Variants in MINDY4 observed in about 807,000 individuals in gnomAD.
MINDY4 encodes the protein MINDY lysine 48 deubiquitinase 4.
In MINDY4, 68 loss-of-function variants were observed where a neutral mutation model predicts 87.0. The ratio of observed to expected loss-of-function variants is 0.78; its 90% CI spans 0.64 to 0.96. MINDY4 has a LOEUF of 0.96. MINDY4 is among the 40% of genes least tolerant of loss of function. The pLI, the probability that MINDY4 is intolerant of heterozygous loss-of-function variation, is 0.00. For synonymous variants in MINDY4, 379 were observed against 363.2 expected (o/e 1.04, Z -0.50); for missense variants, 919 against 928.2 (o/e 0.99, Z 0.13).
At chr7:30,861,793 G>A (rs1446904079) in intron 13 of MINDY4, among the ~76,000 whole-genome samples, 3 of 152,242 alleles carry the variant, frequency 2.0e-5, no homozygotes, top group Non-Finnish European at 4.4e-5. Context: ...CTTGGCCTGG[G>A]GCCCTGTGGT....
intron 3 of MINDY4, among the ~76,000 whole-genome samples, chr7:30,784,075 A>G (rs148092900): frequency 6.6e-6 from 1 of 152,254 alleles, no homozygotes; most frequent in Non-Finnish European, 1.5e-5. Flanking sequence ...AGCTCAGGGT[A>G]TGGGTGTCGA....
chr7:30,833,329 C>A (rs1316068368), intron 6 of MINDY4, among the ~76,000 whole-genome samples: 3 of 152,208 alleles, frequency 2.0e-5, no homozygotes, highest in African/African-American at 7.2e-5. Flanking sequence ...CAAGTCACAT[C>A]TTATGTGGAT....
chr7:30,875,738 G>A, intron 15 of MINDY4, 82 bp downstream of exon 15: 4 of 1,451,168 alleles, frequency 2.8e-6, no homozygotes, highest in Admixed American at 4.1e-5. Context: ...AAGGAAAGCT[G>A]GACTCCACTT....
At chr7:30,883,554 G>A (rs547814479) in intron 17 of MINDY4, among the ~76,000 whole-genome samples, 1 of 152,308 alleles carries the variant, frequency 6.6e-6, no homozygotes, top group Non-Finnish European at 1.5e-5. Flanking sequence ...TGTATTTAAG[G>A]GGAGGCTGAG....
chr7:30,841,684 T>C (rs1789045093), intron 9 of MINDY4, among the ~76,000 whole-genome samples: 1 of 152,202 alleles, frequency 6.6e-6, no homozygotes, highest in Admixed American at 6.5e-5. Flanking sequence ...GTAGTTATAC[T>C]ATGTGTGTTC....
chr7:30,841,719 G>A (rs1055011771), intron 9 of MINDY4, among the ~76,000 whole-genome samples: 2 of 151,934 alleles, frequency 1.3e-5, no homozygotes, highest in South Asian at 2.1e-4. Flanking sequence ...TCACAAAACC[G>A]CACACCCATG....
chr7:30,775,277 A>C (rs1362099342), intron 1 of MINDY4, among the ~76,000 whole-genome samples: 1 of 152,186 alleles, frequency 6.6e-6, no homozygotes, highest in African/African-American at 2.4e-5. Context: ...CTAGCTATAA[A>C]TTGAGGGTTC....
At position 30,782,153 on chromosome 7, in the gene MINDY4, T is replaced by C; in HGVS notation, c.360T>C (p.Tyr120=). ...CAGAGACTACACTGGTAAATATATA[T>C]GACCTTTCAGATGAAGATGCAGGAT... ...RCSETTLVNI[Y]DLSDEDAGWR... The change falls in exon 3 of 18, where the codon TAT becomes TAC. Residue 120 remains tyrosine (Y), a synonymous_variant. Transcript: ENST00000265299. The C allele has an allele frequency of 3.1e-6, 5 of 1,614,084 alleles. No individual in the cohort carries two copies. The highest frequency in any genetic ancestry group is 4.2e-6 in the Non-Finnish European group (5 of 1,180,024).
intron 15 of MINDY4, among the ~76,000 whole-genome samples, chr7:30,878,202 A>C (rs1790338378): frequency 6.6e-6 from 1 of 152,116 alleles, no homozygotes; most frequent in African/African-American, 2.4e-5. Flanking sequence ...AGCCTGGGCC[A>C]TGACGTCCGC....
chr7:30,835,213 A>T (rs1051350410), intron 6 of MINDY4, among the ~76,000 whole-genome samples: 1 of 152,212 alleles, frequency 6.6e-6, no homozygotes, highest in African/African-American at 2.4e-5. Context: ...ATGGCTGGGG[A>T]GGCCTCACAA....
intron 9 of MINDY4, among the ~76,000 whole-genome samples, chr7:30,847,774 C>CT (rs1364404382): frequency 6.6e-6 from 1 of 152,182 alleles, no homozygotes; most frequent in Non-Finnish European, 1.5e-5. Context: ...GGGTATCACT[C>CT]TGTCACCTAG....
At chr7:30,779,701 ACAGTCGGTTAC>A (rs1260204853) in intron 2 of MINDY4, 1 of 152,226 alleles carries the variant, frequency 6.6e-6, no homozygotes, top group African/African-American at 2.4e-5. Context: ...CCAAGGTCTC[ACAGTCGGTTAC>A]CAGGTAGGGA....
chr7:30,881,100 G>A (rs1262559699), intron 15 of MINDY4, among the ~76,000 whole-genome samples: 3 of 152,178 alleles, frequency 2.0e-5, no homozygotes, highest in African/African-American at 2.4e-5. Context: ...TCTCCCTGGG[G>A]CTGGTAGGGA....
At chr7:30,852,916 T>C (rs1789456879) in intron 11 of MINDY4, among the ~76,000 whole-genome samples, 1 of 152,246 alleles carries the variant, frequency 6.6e-6, no homozygotes, top group Non-Finnish European at 1.5e-5. Context: ...GAATGTTTTC[T>C]CTTGAAGTGT....
At chr7:30,810,186 A>G (rs938386960) in intron 5 of MINDY4, among the ~76,000 whole-genome samples, 2 of 150,966 alleles carry the variant, frequency 1.3e-5, no homozygotes, top group Admixed American at 6.6e-5. Context: ...AAAAAAAAAA[A>G]AAAAAAAAAA....
In MINDY4 at chr7:30,791,421, G is replaced by A. The variant is rs2128168401; in HGVS notation, c.920G>A (p.Arg307Lys). The A allele has an allele frequency of 1.2e-6, 2 of 1,614,130 alleles. No individual in the cohort carries two copies. Among genetic ancestry groups the A allele is most frequent in the Non-Finnish European group, 1.7e-6 (2 of 1,180,012 alleles). The change falls in exon 5 of 18, where the codon AGG becomes AAG. Residue 307 changes from arginine to lysine, a missense_variant. Transcript: ENST00000265299. ...RLPPWDRARP[R>K]DPSEDTPAVD... Reference sequence around the variant, plus strand: ...CCCCCATGGGACAGGGCCAGGCCGAGGGATCCCTCCGAGGACACCCCAGCA... The same window carrying A: ...CCCCCATGGGACAGGGCCAGGCCGAAGGATCCCTCCGAGGACACCCCAGCA...
intron 9 of MINDY4, among the ~76,000 whole-genome samples, chr7:30,845,883 C>T (rs775889824): frequency 2.0e-5 from 3 of 152,182 alleles, no homozygotes; most frequent in East Asian, 1.9e-4. Context: ...TCTCCTCAGT[C>T]GGGAAGGATG....
chr7:30,778,487 G>A lies in MINDY4; in HGVS notation c.119G>A (p.Ser40Asn). The change falls in exon 2 of 18, where the codon AGC becomes AAC. Residue 40 changes from serine (S) to asparagine (N), a missense_variant. Physicochemically the swap from Ser to Asn is conservative, Grantham distance 46. Coordinates refer to ENST00000265299, the MANE Select transcript of MINDY4 (RefSeq NM_032222.3). ...MDQERPRSDL[S>N]INNRNDLRKV... ...CAGGAACGCCCACGCTCTGACCTCA[G>A]CATAAACAACAGAAATGATCTTCGA... The A allele has an allele frequency of 6.2e-7, 1 of 1,614,204 alleles. No individual in the cohort carries two copies.
In MINDY4 at chr7:30,852,202, C is replaced by T. The variant is rs372437910; in HGVS notation, c.1548-14C>T. On this transcript the variant is annotated splice_polypyrimidine_tract_variant and intron_variant, in intron 10 of 17. Transcript: ENST00000265299. Reference sequence around the variant, plus strand: ...TCCACTCAGAGGACTCATGCACCTTCCTTTCCTTTTTAGGGCTTCGAGAAC... The same window carrying T: ...TCCACTCAGAGGACTCATGCACCTTTCTTTCCTTTTTAGGGCTTCGAGAAC... 6.9e-5 allele frequency: 111 copies of T among 1,614,006 alleles called. 1 individual carries two copies. The highest frequency in any genetic ancestry group is 9.2e-5 in the Non-Finnish European group (108 of 1,180,024).
Sources: allele counts gnomAD v4.1 joint callset (sites outside exome capture counted in the v4.1 genomes callset), GRCh38; gene constraint gnomAD v4.1.1; transcripts MANE v1.5; gene names NCBI Gene and HGNC (gene_info 2026-07-23, HGNC 2026-07-21).